The following FBN1 variants were observed in gnomAD, a reference collection of about 807,000 sequenced individuals.
FBN1 encodes fibrillin 1.
Under a neutral mutation model 365.1 loss-of-function variants are expected in FBN1, and 29 were observed. That is an observed-to-expected ratio of 0.08 (90% CI 0.06 to 0.11). The LOEUF is 0.11. Among genes scored for constraint, FBN1 ranks in the 10% least tolerant of loss-of-function variants. FBN1 has a pLI of 1.00. For missense variants in FBN1, 2,476 were observed against 3,703.2 expected (o/e 0.67, Z 8.60); for synonymous variants, 1,210 against 1,270.5 (o/e 0.95, Z 1.01).
chr15:48,484,648 A>C (rs1332360281), intron 30 of FBN1, among the ~76,000 whole-genome samples: 1 of 152,136 alleles, frequency 6.6e-6, no homozygotes. Context: ...TGGGATTACA[A>C]GTGTAAGCCA....
chr15:48,517,103 A>G (rs1349397089), intron 10 of FBN1, among the ~76,000 whole-genome samples: 7 of 152,060 alleles, frequency 4.6e-5, no homozygotes, highest in Admixed American at 3.9e-4. Context: ...TGGACGGGAA[A>G]AATCATGGTG....
At chr15:48,569,424 G>C (rs1296504777) in intron 6 of FBN1, among the ~76,000 whole-genome samples, 8 of 152,040 alleles carry the variant, frequency 5.3e-5, no homozygotes, top group Non-Finnish European at 1.0e-4. Context: ...TTCTTAAAAA[G>C]TTAAATATAA....
At chr15:48,618,695 G>A (rs992801075) in intron 2 of FBN1, among the ~76,000 whole-genome samples, 1 of 152,166 alleles carries the variant, frequency 6.6e-6, no homozygotes, top group Non-Finnish European at 1.5e-5. Context: ...CACACAGCAG[G>A]GGGTAAGTGG....
At chr15:48,594,985 G>A (rs1162740221) in intron 6 of FBN1, among the ~76,000 whole-genome samples, 1 of 152,182 alleles carries the variant, frequency 6.6e-6, no homozygotes, top group Admixed American at 6.5e-5. Flanking sequence ...AAACACATCT[G>A]TGCAAGTTGT....
intron 6 of FBN1, among the ~76,000 whole-genome samples, chr15:48,568,818 T>A (rs909727951): frequency 2.0e-5 from 3 of 152,002 alleles, no homozygotes; most frequent in African/African-American, 7.2e-5. Flanking sequence ...GACCCTCACC[T>A]CACACCATAT....
intron 6 of FBN1, among the ~76,000 whole-genome samples, chr15:48,567,165 T>A (rs948771404): frequency 2.6e-5 from 4 of 152,200 alleles, no homozygotes; most frequent in Non-Finnish European, 4.4e-5. Flanking sequence ...GTGTCCAGTC[T>A]GTGATGAGGT....
chr15:48,462,506 C>T (rs1043661221), intron 42 of FBN1, among the ~76,000 whole-genome samples: 3 of 152,134 alleles, frequency 2.0e-5, no homozygotes, highest in African/African-American at 7.2e-5. Flanking sequence ...GATCACATCT[C>T]CCTTTTCATA....
chr15:48,441,830 G>C lies in FBN1; in HGVS notation c.6054C>G (p.Val2018=), dbSNP rs542953863. Reference sequence around the variant, plus strand: ...CCAGGGCACAAATTTCTGGCTCTTCGACACACTCATCAATATCTAAAAGAA... The same window carrying C: ...CCAGGGCACAAATTTCTGGCTCTTCCACACACTCATCAATATCTAAAAGAA... The part of the protein sequence containing the change: ...NEKCEDIDEC[V]EEPEICALGT... Residue 2018 remains valine (V), a synonymous_variant, in exon 50 of 66, where the codon GTC becomes GTG. Coordinates refer to ENST00000316623, the MANE Select transcript of FBN1 (RefSeq NM_000138.5). 30 of 1,613,288 alleles carry C rather than the reference G, an allele frequency of 1.9e-5. No homozygotes were observed. The highest frequency in any genetic ancestry group is 2.5e-5 in the Non-Finnish European group (29 of 1,179,598).
intron 42 of FBN1, among the ~76,000 whole-genome samples, chr15:48,461,583 T>C (rs977849600): frequency 1.3e-5 from 2 of 152,136 alleles, no homozygotes; most frequent in Admixed American, 1.3e-4. Flanking sequence ...ATACATAGAC[T>C]TTTACATATA....
chr15:48,574,720 G>A (rs1238964647), intron 6 of FBN1, among the ~76,000 whole-genome samples: 2 of 152,088 alleles, frequency 1.3e-5, no homozygotes, highest in African/African-American at 2.4e-5. Context: ...TTAATAAAAT[G>A]ATTAGAAACA....
chr15:48,598,428 G>T (rs1244169964), intron 5 of FBN1, among the ~76,000 whole-genome samples: 1 of 152,192 alleles, frequency 6.6e-6, no homozygotes, highest in Non-Finnish European at 1.5e-5. Context: ...GTTGTTTATT[G>T]TTGTGGTCTC....
rs1481010664 is a variant in FBN1, at chr15:48,634,859, AC to A, written c.164+9746del. Reference sequence around the variant, plus strand: ...AAACCAAAAAAAAAAAAAAAAAACCACACACACACACACACACACACACACA... The same window carrying A: ...AAACCAAAAAAAAAAAAAAAAAACCAACACACACACACACACACACACACA... On this transcript the variant is annotated intron_variant, in intron 2 of 65. Coordinates refer to ENST00000316623, the MANE Select transcript of FBN1 (RefSeq NM_000138.5). Among the ~76,000 whole-genome samples, 346 of 43,550 alleles carry A rather than the reference AC, an allele frequency of 7.9e-3. 17 individuals are homozygous for A. Among genetic ancestry groups the A allele is most frequent in the African/African-American group, 0.055 (325 of 5,892 alleles). The allele number at this position is 43,550 out of a possible 152,430, so 28.6% of individuals were successfully genotyped here. A position where few individuals can be genotyped will look rare whatever the true frequency, so the allele number is the denominator to read the frequency against.
intron 6 of FBN1, among the ~76,000 whole-genome samples, chr15:48,559,433 G>A (rs1466912931): frequency 1.3e-5 from 2 of 152,130 alleles, no homozygotes; most frequent in Non-Finnish European, 2.9e-5. Context: ...TCTCTCATTA[G>A]AGGAGTCTGA....
At chr15:48,513,824 T>C (rs2043780496) in intron 12 of FBN1, among the ~76,000 whole-genome samples, 156 bp from the exon 13 acceptor site, 1 of 152,218 alleles carries the variant, frequency 6.6e-6, no homozygotes, top group African/African-American at 2.4e-5. Context: ...AATATGTCAT[T>C]AGCCATTTGA....
At chr15:48,450,807 A>G (rs1464494130) in intron 45 of FBN1, among the ~76,000 whole-genome samples, 3 of 152,206 alleles carry the variant, frequency 2.0e-5, no homozygotes, top group African/African-American at 7.2e-5. Flanking sequence ...ATGGAGAGAA[A>G]GTTTTAGTTA....
chr15:48,631,786 C>T (rs1364110674), intron 2 of FBN1, among the ~76,000 whole-genome samples: 1 of 152,210 alleles, frequency 6.6e-6, no homozygotes, highest in Non-Finnish European at 1.5e-5. Context: ...CAAATCCTTA[C>T]TCCAACAGAG....
intron 30 of FBN1, 73 bp from the exon 31 acceptor site, chr15:48,484,016 A>G: frequency 2.0e-6 from 3 of 1,502,924 alleles, no homozygotes; most frequent in Non-Finnish European, 2.8e-6. Context: ...ACATTAACTG[A>G]CCGCAGTCAA....
chr15:48,636,821 C>T (rs944480574), intron 2 of FBN1, among the ~76,000 whole-genome samples: 2 of 152,228 alleles, frequency 1.3e-5, no homozygotes, highest in African/African-American at 4.8e-5. Context: ...CCCACTGTGT[C>T]CTGTCTAAAT....
chr15:48,552,621 A>T (rs1221853225), intron 6 of FBN1, among the ~76,000 whole-genome samples: 1 of 152,020 alleles, frequency 6.6e-6, no homozygotes, highest in African/African-American at 2.4e-5. Flanking sequence ...ATACCTCCAA[A>T]TTCATTCCTG....
Sources: allele counts gnomAD v4.1 joint callset (sites outside exome capture counted in the v4.1 genomes callset), GRCh38; gene constraint gnomAD v4.1.1; transcripts MANE v1.5; gene names NCBI Gene and HGNC (gene_info 2026-07-23, HGNC 2026-07-21).